KIRREL3: variants seen among roughly 807,000 people sequenced by gnomAD.
KIRREL3 encodes the protein kin of IRRE-like protein 3.
In KIRREL3, 36 loss-of-function variants were observed where a neutral mutation model predicts 89.7. The ratio of observed to expected loss-of-function variants is 0.40; its 90% CI spans 0.31 to 0.53. The LOEUF (loss-of-function observed/expected upper bound fraction) is 0.53. KIRREL3 is among the 20% of genes least tolerant of loss of function. KIRREL3 has a pLI of 0.49. For missense variants in KIRREL3, 864 were observed against 1,056.6 expected, an observed-to-expected ratio of 0.82 and a Z score of 2.53; for synonymous variants, 445 against 441.4, an observed-to-expected ratio of 1.01 and a Z score of -0.10.
At chr11:126,599,326 C>G (rs1942540524) in intron 1 of KIRREL3, among the ~76,000 whole-genome samples, 1 of 152,190 alleles carries the variant, frequency 6.6e-6, no homozygotes, top group African/African-American at 2.4e-5. Flanking sequence ...GGTGTCTTGG[C>G]CCCTAATGGA....
intron 1 of KIRREL3, among the ~76,000 whole-genome samples, chr11:126,915,799 T>C (rs1244665760): frequency 1.3e-5 from 2 of 152,242 alleles, no homozygotes; most frequent in Non-Finnish European, 2.9e-5. Context: ...AAAGTGATCT[T>C]ACCTTTAGGT....
intron 1 of KIRREL3, among the ~76,000 whole-genome samples, chr11:126,929,960 C>A (rs909234039): frequency 1.4e-5 from 2 of 147,792 alleles, no homozygotes; most frequent in Non-Finnish European, 3.0e-5. Context: ...CCCCCCCCCC[C>A]CACCTCACCG....
At chr11:127,001,321 G>C (rs1056464450), upstream of KIRREL3, among the ~76,000 whole-genome samples, 20 of 136,512 alleles carry the variant, frequency 1.5e-4, no homozygotes, top group East Asian at 5.2e-4. Flanking sequence ...TGGTGGGGGG[G>C]GGGGGTAGGT....
Position 126,635,152 on chromosome 11 carries a change from G to T in KIRREL3, c.56-72240C>A, listed in dbSNP as rs958153389. Among the ~76,000 whole-genome samples, 1 of 152,210 alleles carries T rather than the reference G, an allele frequency of 6.6e-6. No homozygotes were observed. On this transcript the variant is annotated intron_variant, in intron 1 of 16. Coordinates refer to ENST00000525144, the MANE Select transcript of KIRREL3 (RefSeq NM_032531.4). The surrounding 1 kb of genome is among the most constrained non-coding windows in gnomAD (Gnocchi z 4.0). The stretch of plus-strand genomic sequence containing the variant: ...ATTGAACCTTGAACCCAACAAAAGG[G>T]TCTGCAGTGAGGCAGGGCTGGACAG...
chr11:126,966,967 C>T (rs1269880155), intron 1 of KIRREL3, among the ~76,000 whole-genome samples: 1 of 152,120 alleles, frequency 6.6e-6, no homozygotes, highest in Non-Finnish European at 1.5e-5. Context: ...AGCCCTAAAC[C>T]CAGAATCCCA....
In KIRREL3 at chr11:126,561,938, G is replaced by A. The variant is rs1940154937; in HGVS notation, c.133+897C>T. Among the ~76,000 whole-genome samples the A allele has an allele frequency of 6.6e-6, 1 of 152,176 alleles. No homozygotes were observed. The highest frequency in any genetic ancestry group is 1.5e-5 in the Non-Finnish European group (1 of 68,026). On this transcript the variant is annotated intron_variant, in intron 2 of 16. Coordinates refer to ENST00000525144, the MANE Select transcript of KIRREL3 (RefSeq NM_032531.4). This position sits in a 1 kb window ranked among gnomAD's most constrained non-coding sequence, Gnocchi z 4.5. The stretch of plus-strand genomic sequence containing the variant: ...ATGGGGATAGAGATGGTAGAAAGAA[G>A]CTTCCTCCTTCTTGCTGGAATGGGA...
At chr11:126,461,607 G>T (rs572789447) in intron 6 of KIRREL3, among the ~76,000 whole-genome samples, 3 of 152,130 alleles carry the variant, frequency 2.0e-5, no homozygotes, top group Non-Finnish European at 4.4e-5. Flanking sequence ...TTTGTGTGTG[G>T]GTATCTTGAG....
At chr11:126,845,896 G>A (rs970498314) in intron 1 of KIRREL3, among the ~76,000 whole-genome samples, 1 of 152,090 alleles carries the variant, frequency 6.6e-6, no homozygotes, top group East Asian at 1.9e-4. Flanking sequence ...ACGGCCTGTA[G>A]TTCCTTGGGA....
chr11:126,604,842 C>T (rs866525095), intron 1 of KIRREL3, among the ~76,000 whole-genome samples: 5 of 152,224 alleles, frequency 3.3e-5, no homozygotes, highest in Non-Finnish European at 7.3e-5. Context: ...AGAGCTGCAA[C>T]CTGCTAACTT....
intron 1 of KIRREL3, among the ~76,000 whole-genome samples, chr11:126,650,374 T>C (rs1944864173): frequency 6.6e-6 from 1 of 152,230 alleles, no homozygotes; most frequent in East Asian, 1.9e-4. Context: ...GCATATTTTC[T>C]GAACTTTTAT....
At chr11:126,556,897 C>T (rs184671529) in intron 2 of KIRREL3, among the ~76,000 whole-genome samples, 5 of 152,316 alleles carry the variant, frequency 3.3e-5, no homozygotes, top group East Asian at 3.9e-4. Context: ...ATACAAATAA[C>T]GGGCTTTGCA....
chr11:126,558,962 G>C lies in KIRREL3; in HGVS notation c.133+3873C>G, dbSNP rs1939908276. ...GCATGCTCATGTGTGTGTTGGAGATGTGGCTGAGGAACCAGTGAGAGTAAA... is the reference window on the plus strand; with the variant it reads ...GCATGCTCATGTGTGTGTTGGAGATCTGGCTGAGGAACCAGTGAGAGTAAA... On this transcript the variant is annotated intron_variant, in intron 2 of 16. Coordinates refer to ENST00000525144, the MANE Select transcript of KIRREL3 (RefSeq NM_032531.4). This position sits in a 1 kb window ranked among gnomAD's most constrained non-coding sequence, Gnocchi z 4.0. Among the ~76,000 whole-genome samples, 1 of 152,176 alleles carries C rather than the reference G, an allele frequency of 6.6e-6. No individual in the cohort carries two copies. The highest frequency in any genetic ancestry group is 2.4e-5 in the African/African-American group (1 of 41,448).
rs957765544 is a variant in KIRREL3 at position 126,942,933 on chromosome 11, C to T, written c.55+57522G>A. On this transcript the variant is annotated intron_variant, in intron 1 of 16. Coordinates refer to ENST00000525144, the MANE Select transcript of KIRREL3 (RefSeq NM_032531.4). ...AATGGCTCTGTTGCAAGGCTCGGCT[C>T]GTTAACATGCAGGCAGTAAAGTATG... Among the ~76,000 whole-genome samples the T allele has an allele frequency of 6.6e-5, 10 of 152,262 alleles. No individual in the cohort carries two copies. In the East Asian group the frequency reaches 9.7e-4, roughly 15 times the overall value.
At position 126,981,560 on chromosome 11, in the gene KIRREL3, C is replaced by T. The variant is rs1461051394; in HGVS notation, c.55+18895G>A. On this transcript the variant is annotated intron_variant, in intron 1 of 16. Coordinates refer to ENST00000525144, the MANE Select transcript of KIRREL3 (RefSeq NM_032531.4). This position sits in a 1 kb window ranked among gnomAD's most constrained non-coding sequence, Gnocchi z 4.2. ...TGAGATCTGCCTCTACCACCCGACT[C>T]TATGAAGCAAAGGCAAGGAGGTATT... Among the ~76,000 whole-genome samples, 2 of 152,226 alleles carry T rather than the reference C, an allele frequency of 1.3e-5. No individual in the cohort carries two copies. Among genetic ancestry groups the T allele is most frequent in the Non-Finnish European group, 2.9e-5 (2 of 68,048 alleles).
intron 1 of KIRREL3, among the ~76,000 whole-genome samples, chr11:126,937,631 T>A (rs936251752): frequency 6.6e-6 from 1 of 152,212 alleles, no homozygotes; most frequent in Non-Finnish European, 1.5e-5. Flanking sequence ...CCGGGCGTGG[T>A]GGCTCATGCC....
Position 126,708,323 on chromosome 11 carries a change from A to G in KIRREL3, c.56-145411T>C, listed in dbSNP as rs1334701139. Among the ~76,000 whole-genome samples, 1 of 83,188 alleles carries G rather than the reference A, an allele frequency of 1.2e-5. No individual in the cohort carries two copies. The highest frequency in any genetic ancestry group is 2.3e-5 in the Non-Finnish European group (1 of 44,078). 54.6% of individuals were successfully genotyped at this position (83,188 alleles called of 152,430 possible). A position where few individuals can be genotyped will look rare whatever the true frequency, so the allele number is the denominator to read the frequency against. ...CTGAATAAGCAATACTGGAATAACA[A>G]TGTACTCCTCACCAAGGCATTTAGC... is the stretch of plus-strand genomic sequence containing the variant. On this transcript the variant is annotated intron_variant, in intron 1 of 16. Coordinates refer to ENST00000525144, the MANE Select transcript of KIRREL3 (RefSeq NM_032531.4). This position sits in a 1 kb window ranked among gnomAD's most constrained non-coding sequence, Gnocchi z 5.7.
In KIRREL3 at chr11:126,764,737, A is replaced by G. The variant is rs573908727; in HGVS notation, c.56-201825T>C. 6.6e-6 allele frequency among the ~76,000 whole-genome samples: 1 copy of G among 152,290 alleles called. No individual in the cohort carries two copies. Among genetic ancestry groups the G allele is most frequent in the African/African-American group, 2.4e-5 (1 of 41,550 alleles). ...GTTATTGCACACATGAGTGGAACAT[A>G]CTATCCAGCTTCTTAGGGCCTGTGC... On this transcript the variant is annotated intron_variant, in intron 1 of 16. Transcript: ENST00000525144. This position sits in a 1 kb window ranked among gnomAD's most constrained non-coding sequence, Gnocchi z 4.2.
chr11:126,658,314 A>T (rs1192286310), intron 1 of KIRREL3, among the ~76,000 whole-genome samples: 1 of 152,216 alleles, frequency 6.6e-6, no homozygotes, highest in Non-Finnish European at 1.5e-5. Context: ...ATGCTTAATT[A>T]TCTAGGGAAA....
intron 2 of KIRREL3, among the ~76,000 whole-genome samples, chr11:126,529,498 C>T (rs926679483): frequency 1.3e-5 from 2 of 151,684 alleles, no homozygotes; most frequent in African/African-American, 2.4e-5. Flanking sequence ...GAGCATCTCC[C>T]GATGCCATCT....
Sources: allele counts gnomAD v4.1 joint callset (sites outside exome capture counted in the v4.1 genomes callset), GRCh38; gene constraint gnomAD v4.1.1; non-coding constraint Gnocchi (gnomAD v3.1); transcripts MANE v1.5; gene names NCBI Gene and HGNC (gene_info 2026-07-23, HGNC 2026-07-21).